LSAMP: variants seen among roughly 807,000 people sequenced by gnomAD.
The protein encoded by LSAMP is limbic system associated membrane protein, also known as limbic system-associated membrane protein.
In LSAMP, 7 loss-of-function variants were observed where a neutral mutation model predicts 38.6. The ratio of observed to expected loss-of-function variants is 0.18; its 90% CI spans 0.10 to 0.34. LSAMP has a LOEUF of 0.34. Among genes scored for constraint, LSAMP ranks in the 10% least tolerant of loss-of-function variants. The pLI, the probability that LSAMP is intolerant of heterozygous loss-of-function variation, is 1.00. For synonymous variants in LSAMP, 154 were observed against 166.8 expected, an observed-to-expected ratio of 0.92 and a Z score of 0.59; for missense variants, 313 against 420.0, an observed-to-expected ratio of 0.75 and a Z score of 2.23.
At chr3:115,982,931 CTTTTT>C (rs11386123) in intron 3 of LSAMP, among the ~76,000 whole-genome samples, 1 of 136,278 alleles carries the variant, frequency 7.3e-6, no homozygotes, top group African/African-American at 2.7e-5. Context: ...CCTATGGAGA[CTTTTT>C]TTTTTTTTTT....
chr3:116,204,584 T>C (rs1166072478), intron 1 of LSAMP, among the ~76,000 whole-genome samples: 1 of 151,832 alleles, frequency 6.6e-6, no homozygotes, highest in Non-Finnish European at 1.5e-5. Flanking sequence ...TTGTATAAGG[T>C]GTAAGGAAGG....
intron 3 of LSAMP, among the ~76,000 whole-genome samples, chr3:115,979,604 G>A (rs1308496445): frequency 6.6e-6 from 1 of 152,042 alleles, no homozygotes; most frequent in Non-Finnish European, 1.5e-5. Flanking sequence ...CAGGTTAGAG[G>A]CTTAGAACAT....
intron 3 of LSAMP, among the ~76,000 whole-genome samples, chr3:115,854,431 C>T (rs1935444056): frequency 6.6e-6 from 1 of 151,184 alleles, no homozygotes; most frequent in South Asian, 2.1e-4. Context: ...TACAGGCGCC[C>T]GCCACTGCGC....
chr3:116,083,822 G>A (rs1350449780), intron 2 of LSAMP, among the ~76,000 whole-genome samples: 1 of 152,184 alleles, frequency 6.6e-6, no homozygotes, highest in Non-Finnish European at 1.5e-5. Context: ...GGAACAGTGT[G>A]AATGGATGGA....
chr3:116,214,499 C>CTTTTT (rs59630662), intron 1 of LSAMP, among the ~76,000 whole-genome samples: 5 of 103,250 alleles, frequency 4.8e-5, no homozygotes, highest in Non-Finnish European at 7.6e-5. Flanking sequence ...AAAAATGGGT[C>CTTTTT]TTTTTTTTTT....
intron 1 of LSAMP, among the ~76,000 whole-genome samples, chr3:116,179,071 C>T (rs1399531915): frequency 4.6e-5 from 7 of 152,008 alleles, no homozygotes; most frequent in Non-Finnish European, 1.0e-4. Flanking sequence ...GCCTCCTCCT[C>T]CTTCCTGCAG....
chr3:116,146,097 T>C (rs1194647233), intron 1 of LSAMP, among the ~76,000 whole-genome samples: 1 of 151,930 alleles, frequency 6.6e-6, no homozygotes, highest in Non-Finnish European at 1.5e-5. Flanking sequence ...GTGTTGACTT[T>C]TGCTCCAATT....
chr3:116,247,471 G>A (rs1450218085), intron 1 of LSAMP, among the ~76,000 whole-genome samples: 2 of 152,198 alleles, frequency 1.3e-5, no homozygotes, highest in Non-Finnish European at 2.9e-5. Context: ...ATGTTTACAT[G>A]TCAAGAGGCA....
chr3:116,298,669 G>A lies in LSAMP; in HGVS notation c.155+146208C>T, dbSNP rs184249988. On this transcript the variant is annotated intron_variant, in intron 1 of 6. Transcript: ENST00000490035. The stretch of plus-strand genomic sequence containing the variant: ...TCAAAGTATGTTATATATGTTTTGA[G>A]AACTAATTTCAAGGCACAGTTTCAC... 2.9e-3 allele frequency among the ~76,000 whole-genome samples: 449 copies of A among 152,288 alleles called. 4 individuals are homozygous for A. The highest frequency in any genetic ancestry group is 0.01 in the African/African-American group (427 of 41,558).
At chr3:115,966,901 C>A (rs539983741) in intron 3 of LSAMP, among the ~76,000 whole-genome samples, 2 of 152,290 alleles carry the variant, frequency 1.3e-5, no homozygotes, top group African/African-American at 4.8e-5. Flanking sequence ...CTTTGAAATT[C>A]TGTTTATGCC....
intron 1 of LSAMP, among the ~76,000 whole-genome samples, chr3:116,392,835 G>C (rs2048722200): frequency 6.6e-6 from 1 of 152,198 alleles, no homozygotes; most frequent in Non-Finnish European, 1.5e-5. Context: ...ACAATGGGGA[G>C]ATGACGGGAT....
intron 6 of LSAMP, among the ~76,000 whole-genome samples, chr3:115,816,408 G>C (rs1934018984): frequency 6.6e-6 from 1 of 152,098 alleles, no homozygotes. Flanking sequence ...ATAAATTACT[G>C]TCAAGAGCAA....
intron 2 of LSAMP, among the ~76,000 whole-genome samples, chr3:116,071,065 A>T (rs1336664806): frequency 6.8e-6 from 1 of 147,380 alleles, no homozygotes; most frequent in African/African-American, 2.5e-5. Context: ...ATAAATAAAT[A>T]AATAAATAAA....
chr3:116,057,957 C>CACA (rs1553699978), intron 2 of LSAMP, among the ~76,000 whole-genome samples: 1 of 117,482 alleles, frequency 8.5e-6, no homozygotes, highest in Non-Finnish European at 2.0e-5. Flanking sequence ...ACACACACAC[C>CACA]CACACACACA....
At chr3:116,345,201 G>C (rs1011163731) in intron 1 of LSAMP, among the ~76,000 whole-genome samples, 1 of 152,090 alleles carries the variant, frequency 6.6e-6, no homozygotes, top group Non-Finnish European at 1.5e-5. Context: ...AAAAGGAAGA[G>C]GTTTGATTCT....
At chr3:116,009,367 G>C (rs1287875626) in intron 3 of LSAMP, among the ~76,000 whole-genome samples, 1 of 152,022 alleles carries the variant, frequency 6.6e-6, no homozygotes, top group African/African-American at 2.4e-5. Context: ...AGATTCTTCA[G>C]ATCATTTCCT....
At chr3:115,816,976 T>C (rs1934048199) in intron 6 of LSAMP, among the ~76,000 whole-genome samples, 1 of 152,248 alleles carries the variant, frequency 6.6e-6, no homozygotes, top group African/African-American at 2.4e-5. Flanking sequence ...AGTGGAATAA[T>C]AGAATGTGTC....
chr3:116,283,505 G>A (rs1187023849), intron 1 of LSAMP, among the ~76,000 whole-genome samples: 4 of 152,102 alleles, frequency 2.6e-5, no homozygotes, highest in Non-Finnish European at 5.9e-5. Flanking sequence ...TGTGCTTAAA[G>A]TTACCTTAGG....
intron 4 of LSAMP, among the ~76,000 whole-genome samples, chr3:115,850,325 T>C (rs1317961927): frequency 6.6e-6 from 1 of 152,152 alleles, no homozygotes; most frequent in African/African-American, 2.4e-5. Context: ...AATGGAAGCA[T>C]AAATATTTTC....
Sources: allele counts gnomAD v4.1 joint callset (sites outside exome capture counted in the v4.1 genomes callset), GRCh38; gene constraint gnomAD v4.1.1; transcripts MANE v1.5; gene names NCBI Gene and HGNC (gene_info 2026-07-23, HGNC 2026-07-21).